Variants in RMND5A observed in about 807,000 individuals in gnomAD.
The protein encoded by RMND5A is required for meiotic nuclear division 5 homolog A.
A neutral mutation model predicts 49.7 loss-of-function variants in RMND5A; 17 were observed. The observed-to-expected ratio is 0.34, with a 90% CI of 0.23 to 0.51. The LOEUF (loss-of-function observed/expected upper bound fraction) is 0.51. Ranked by LOEUF, RMND5A falls within the 20% of genes least tolerant of loss-of-function variation. The pLI is 0.96. For missense variants in RMND5A, 255 were observed against 471.3 expected, an observed-to-expected ratio of 0.54 and a Z score of 4.25; for synonymous variants, 156 against 167.7, an observed-to-expected ratio of 0.93 and a Z score of 0.54.
In RMND5A at chr2:86,720,337, A is replaced by G. The variant is rs913089329; in HGVS notation, c.-331A>G. The G allele has an allele frequency of 2.6e-5, 4 of 153,070 alleles. No homozygotes were observed. The highest frequency in any genetic ancestry group is 9.7e-5 in the African/African-American group (4 of 41,348). 9.5% of individuals were successfully genotyped at this position (153,070 alleles called of 1,614,324 possible). A position where few individuals can be genotyped will look rare whatever the true frequency, so the allele number is the denominator to read the frequency against. ...TGGTGCCGCCCGGGAGAACCAGGTC[A>G]TCGGTCGGTTCCCGTGAAAACAAAA... On this transcript the variant is annotated 5_prime_UTR_variant, in exon 1 of 9. Transcript: ENST00000283632.
chr2:86,768,442 AG>A (rs1403091256), intron 6 of RMND5A, among the ~76,000 whole-genome samples: 1 of 152,208 alleles, frequency 6.6e-6, no homozygotes, highest in Non-Finnish European at 1.5e-5. Flanking sequence ...GATGCCATCA[AG>A]TTCTCTGAGG....
chr2:86,734,105 TCTTAACAGGG>T (rs1434383712), intron 1 of RMND5A, among the ~76,000 whole-genome samples: 1 of 140,890 alleles, frequency 7.1e-6, no homozygotes, highest in Non-Finnish European at 1.5e-5. Context: ...ACTCTTTCTC[TCTTAACAGGG>T]CTTTCCCAGG....
intron 6 of RMND5A, among the ~76,000 whole-genome samples, chr2:86,768,431 T>G (rs1672635738): frequency 6.6e-6 from 1 of 152,200 alleles, no homozygotes; most frequent in African/African-American, 2.4e-5. Flanking sequence ...TGTGAGGCGC[T>G]GATGCCATCA....
chr2:86,775,034 C>T lies in RMND5A; in HGVS notation c.*1623C>T, dbSNP rs928541566. 2.6e-5 allele frequency: 4 copies of T among 152,696 alleles called. No homozygotes were observed. Among genetic ancestry groups the T allele is most frequent in the African/African-American group, 7.2e-5 (3 of 41,442 alleles). 9.5% of individuals were successfully genotyped at this position (152,696 alleles called of 1,614,324 possible). Reference sequence around the variant, plus strand: ...ATGTGGATGGCTACTCCGTGCTGTGCGGCTTCACCAGCGGTTGGGATTGGC... The same window carrying T: ...ATGTGGATGGCTACTCCGTGCTGTGTGGCTTCACCAGCGGTTGGGATTGGC... On this transcript the variant is annotated 3_prime_UTR_variant, in exon 9 of 9. Coordinates refer to ENST00000283632, the MANE Select transcript of RMND5A (RefSeq NM_022780.4).
chr2:86,770,899 GT>G (rs1573447595), intron 7 of RMND5A, among the ~76,000 whole-genome samples: 3 of 152,180 alleles, frequency 2.0e-5, no homozygotes, highest in Admixed American at 6.5e-5. Context: ...TGGAATTGTC[GT>G]TCCTGTCATG....
At chr2:86,748,276 A>G (rs1393720280) in intron 2 of RMND5A, 4 of 152,320 alleles carry the variant, frequency 2.6e-5, no homozygotes, top group East Asian at 3.9e-4. Context: ...CTCAACCTCT[A>G]TATATTTTAT....
intron 1 of RMND5A, 138 bp downstream of exon 1, chr2:86,720,947 C>G: frequency 2.9e-6 from 2 of 682,054 alleles, no homozygotes; most frequent in Admixed American, 3.7e-5. Flanking sequence ...GGCCCCCAGA[C>G]CCCTGAGACT....
At chr2:86,751,803 G>T in intron 2 of RMND5A, 93 bp from the exon 3 acceptor site, 3 of 1,204,574 alleles carry the variant, frequency 2.5e-6, no homozygotes, top group Non-Finnish European at 3.4e-6. Context: ...GTTCTTATTG[G>T]GGTATCTCAG....
Position 86,720,603 on chromosome 2 carries a change from T to C in RMND5A, c.-65T>C, listed in dbSNP as rs71222447. The C allele has an allele frequency of 4.1e-3, 5,607 of 1,352,024 alleles. 335 individuals carry two copies. The African/African-American group carries it at 0.084, about 20-fold the overall frequency. The allele number at this position is 1,352,024 out of a possible 1,614,324, so 83.8% of individuals were successfully genotyped here. A position where few individuals can be genotyped will look rare whatever the true frequency, so the allele number is the denominator to read the frequency against. On this transcript the variant is annotated 5_prime_UTR_variant, in exon 1 of 9. Transcript: ENST00000283632. ...AACGAGGAGCAGGACGCGGCCTCGG[T>C]GGGGCCCGGGCCGAACGGCTGCGGA...
chr2:86,747,482 A>G (rs1001001520), intron 2 of RMND5A, among the ~76,000 whole-genome samples: 3 of 152,200 alleles, frequency 2.0e-5, no homozygotes, highest in African/African-American at 7.2e-5. Context: ...TACTCTGTTA[A>G]GTATCCTTTG....
Position 86,725,948 on chromosome 2 carries a change from C to G in RMND5A, c.142+5139C>G, listed in dbSNP as rs1322056686. ...TAAACCATAACTCCTACCCTTATCT[C>G]TTTGGTGAATCAAAGAAACTGTTGA... On this transcript the variant is annotated intron_variant, in intron 1 of 8. Coordinates refer to ENST00000283632, the MANE Select transcript of RMND5A (RefSeq NM_022780.4). 3.9e-5 allele frequency among the ~76,000 whole-genome samples: 3 copies of G among 76,444 alleles called. 1 individual carries two copies. The highest frequency in any genetic ancestry group is 8.0e-5 in the Non-Finnish European group (3 of 37,670). 50.2% of individuals were successfully genotyped at this position (76,444 alleles called of 152,430 possible).
chr2:86,737,550 CAT>C lies in RMND5A; in HGVS notation c.143-3373_143-3372del, dbSNP rs1681410174. 6.9e-5 allele frequency among the ~76,000 whole-genome samples: 5 copies of C among 72,064 alleles called. No homozygotes were observed. In the South Asian group the frequency reaches 1.9e-3, roughly 28 times the overall value. 47.3% of individuals were successfully genotyped at this position (72,064 alleles called of 152,430 possible). On this transcript the variant is annotated intron_variant, in intron 1 of 8. Coordinates refer to ENST00000283632, the MANE Select transcript of RMND5A (RefSeq NM_022780.4). The stretch of plus-strand genomic sequence containing the variant: ...TCTGTACTGACTCCCCTGGTGATTT[CAT>C]ATAGTCCCATGCATTAAGTATCATA...
chr2:86,758,962 C>T (rs1039103113), intron 4 of RMND5A, among the ~76,000 whole-genome samples: 1 of 152,054 alleles, frequency 6.6e-6, no homozygotes, highest in African/African-American at 2.4e-5. Context: ...TCATTCATTC[C>T]CCTGAACTTC....
At position 86,765,210 on chromosome 2, in the gene RMND5A, A is replaced by G. The variant is rs769968007; in HGVS notation, c.688+17A>G. 1 of 1,520,586 alleles carries G rather than the reference A, an allele frequency of 6.6e-7. No homozygotes were observed. The highest frequency in any genetic ancestry group is 8.8e-7 in the Non-Finnish European group (1 of 1,134,930). 94.2% of individuals were successfully genotyped at this position (1,520,586 alleles called of 1,614,324 possible). On this transcript the variant is annotated intron_variant, in intron 5 of 8. Transcript: ENST00000283632. Reference sequence around the variant, plus strand: ...ATCAAAAAGGTGAGTCTAGAGTCAGATGTTATTAATGTTTGAAACAGGGCT... The same window carrying G: ...ATCAAAAAGGTGAGTCTAGAGTCAGGTGTTATTAATGTTTGAAACAGGGCT...
chr2:86,769,522 C>T (rs1672655196), intron 6 of RMND5A, among the ~76,000 whole-genome samples: 2 of 152,216 alleles, frequency 1.3e-5, no homozygotes, highest in Admixed American at 1.3e-4. Flanking sequence ...GCTAAAACTA[C>T]TGTATTTGGA....
intron 5 of RMND5A, chr2:86,765,575 T>A: frequency 2.6e-6 from 1 of 378,184 alleles, no homozygotes. Context: ...TCAGAGATAA[T>A]GTGATGACAT....
rs1384517736 is a variant in RMND5A, at chr2:86,776,874, G to C, written c.*3463G>C. 1 of 152,182 alleles carries C rather than the reference G, an allele frequency of 6.6e-6. No individual in the cohort carries two copies. Among genetic ancestry groups the C allele is most frequent in the East Asian group, 1.9e-4 (1 of 5,196 alleles). The allele number at this position is 152,182 out of a possible 1,614,324, so 9.4% of individuals were successfully genotyped here. On this transcript the variant is annotated 3_prime_UTR_variant, in exon 9 of 9. Coordinates refer to ENST00000283632, the MANE Select transcript of RMND5A (RefSeq NM_022780.4). ...TTATCTCTGGTAACACTAGAATGCTGTGGTCTTGAGGGAATGTTAGCAAGG... is the reference window on the plus strand; with the variant it reads ...TTATCTCTGGTAACACTAGAATGCTCTGGTCTTGAGGGAATGTTAGCAAGG...
In RMND5A at chr2:86,777,264, C is replaced by T. The variant is rs747547082; in HGVS notation, c.*3853C>T. The T allele has an allele frequency of 5.9e-5, 9 of 152,198 alleles. No homozygotes were observed. The highest frequency in any genetic ancestry group is 1.3e-4 in the Admixed American group (2 of 15,282). 9.4% of individuals were successfully genotyped at this position (152,198 alleles called of 1,614,324 possible). A position where few individuals can be genotyped will look rare whatever the true frequency, so the allele number is the denominator to read the frequency against. On this transcript the variant is annotated 3_prime_UTR_variant, in exon 9 of 9. Transcript: ENST00000283632. Reference sequence around the variant, plus strand: ...GTTTCATGTTATGGGTGAGGACCTACATACACTCTTACTTTAGCAGTCACT... The same window carrying T: ...GTTTCATGTTATGGGTGAGGACCTATATACACTCTTACTTTAGCAGTCACT...
chr2:86,746,444 T>A (rs1386807818), intron 2 of RMND5A, among the ~76,000 whole-genome samples: 1 of 152,228 alleles, frequency 6.6e-6, no homozygotes, highest in East Asian at 1.9e-4. Flanking sequence ...GGATGGATAC[T>A]CATAGAGGTT....
Sources: gnomAD v4.1 joint callset for allele counts (sites outside exome capture counted in the v4.1 genomes callset) on GRCh38, gnomAD v4.1.1 for gene constraint, MANE v1.5 for transcripts, NCBI Gene and HGNC (gene_info 2026-07-23, HGNC 2026-07-21) for gene names.